Variants in TAF4B observed in about 807,000 individuals in gnomAD.
TAF4B encodes TATA-box binding protein associated factor 4b.
TAF4B carries 38 observed loss-of-function variants against 86.4 expected under a neutral mutation model. That is an observed-to-expected ratio of 0.44 (90% CI 0.34 to 0.58). TAF4B has a LOEUF of 0.58. TAF4B is among the 20% of genes least tolerant of loss of function. The pLI is 0.02. For missense variants in TAF4B, 988 were observed against 1,027.6 expected (o/e 0.96, Z 0.53); for synonymous variants, 388 against 391.2 (o/e 0.99, Z 0.10).
rs2055580173 is a variant in TAF4B at position 26,226,736 on chromosome 18, C to T, written c.-198C>T. ...CGGGGGCAGCCCAGGCTCGCGCGGA[C>T]GAGAGGAAGGTCCGGGACGCGCGTG... On this transcript the variant is annotated 5_prime_UTR_variant, in exon 1 of 15. It adds an upstream start codon to the 5' untranslated region. Coordinates refer to ENST00000269142, the MANE Select transcript of TAF4B (RefSeq NM_005640.3). The T allele has an allele frequency of 6.8e-6, 3 of 441,000 alleles. No homozygotes were observed. Among genetic ancestry groups the T allele is most frequent in the Non-Finnish European group, 1.2e-5 (3 of 257,246 alleles). 27.3% of individuals were successfully genotyped at this position (441,000 alleles called of 1,614,324 possible).
At chr18:26,387,277 C>T (rs960783559) in intron 14 of TAF4B, among the ~76,000 whole-genome samples, 1 of 152,100 alleles carries the variant, frequency 6.6e-6, no homozygotes, top group Non-Finnish European at 1.5e-5. Context: ...CCATGTTAGC[C>T]AGGCTGGTCT....
chr18:26,317,205 A>T (rs1197994015), intron 10 of TAF4B, among the ~76,000 whole-genome samples: 1 of 151,564 alleles, frequency 6.6e-6, no homozygotes, highest in African/African-American at 2.4e-5. Context: ...AATTTTTTGT[A>T]TTTTTAGTAG....
rs573221718 is a variant in TAF4B, at chr18:26,226,778, G to T, written c.-156G>T. On this transcript the variant is annotated 5_prime_UTR_variant, in exon 1 of 15. Coordinates refer to ENST00000269142, the MANE Select transcript of TAF4B (RefSeq NM_005640.3). ...ACGCGCGTGTCCTGCCGTGCAGCGG[G>T]CGCCCGTCACTGACTTCGCTGCTGC... 2.8e-4 allele frequency: 146 copies of T among 529,720 alleles called. No homozygotes were observed. The highest frequency in any genetic ancestry group is 4.0e-4 in the Non-Finnish European group (132 of 328,914). The allele number at this position is 529,720 out of a possible 1,614,324, so 32.8% of individuals were successfully genotyped here.
chr18:26,238,135 G>C (rs59238601), intron 1 of TAF4B, among the ~76,000 whole-genome samples: 1 of 152,126 alleles, frequency 6.6e-6, no homozygotes, highest in East Asian at 1.9e-4. Context: ...TTTCCTCTTA[G>C]CTCACAAAGA....
At chr18:26,228,517 C>T (rs929589391) in intron 1 of TAF4B, among the ~76,000 whole-genome samples, 3 of 151,766 alleles carry the variant, frequency 2.0e-5, no homozygotes, top group African/African-American at 7.3e-5. Flanking sequence ...AGTTGTTATT[C>T]TGCATATATG....
chr18:26,279,436 A>G (rs567338502), intron 5 of TAF4B, among the ~76,000 whole-genome samples: 18 of 151,840 alleles, frequency 1.2e-4, no homozygotes, highest in Admixed American at 7.2e-4. Flanking sequence ...GACAGATTCA[A>G]TGTTACTCCT....
chr18:26,321,199 A>G lies in TAF4B; in HGVS notation c.2132A>G (p.Lys711Arg), dbSNP rs2144676429. Reference sequence around the variant, plus strand: ...GCTCAGCATCGAATGACTACTTACAAGGTAAAGGAAATCATTAAAGAAGTA... The same window carrying G: ...GCTCAGCATCGAATGACTACTTACAGGGTAAAGGAAATCATTAAAGAAGTA... ...AIAQHRMTTY[K>R]ASENYILCSD... The change falls in exon 11 of 15, where the codon AAG (lysine) becomes AGG (arginine). Residue 711 changes from lysine to arginine, a missense_variant and splice_region_variant. Coordinates refer to ENST00000269142, the MANE Select transcript of TAF4B (RefSeq NM_005640.3). 4 of 1,613,602 alleles carry G rather than the reference A, an allele frequency of 2.5e-6. No individual in the cohort carries two copies. Among genetic ancestry groups the G allele is most frequent in the South Asian group, 2.2e-5 (2 of 91,062 alleles).
chr18:26,379,672 G>A (rs180931984), intron 14 of TAF4B, among the ~76,000 whole-genome samples: 1 of 152,054 alleles, frequency 6.6e-6, no homozygotes, highest in Non-Finnish European at 1.5e-5. Flanking sequence ...GCTATTCTGT[G>A]TCCTTTGTAT....
chr18:26,299,197 T>C (rs985878495), intron 9 of TAF4B, among the ~76,000 whole-genome samples: 1 of 152,080 alleles, frequency 6.6e-6, no homozygotes, highest in Admixed American at 6.6e-5. Context: ...GTGCTCTACA[T>C]GTTCAGAGAA....
chr18:26,298,939 G>A (rs1283266178), intron 9 of TAF4B, among the ~76,000 whole-genome samples: 10 of 127,408 alleles, frequency 7.8e-5, no homozygotes, highest in African/African-American at 2.4e-4. Flanking sequence ...TCAGCTCACC[G>A]CAACCTCTGC....
chr18:26,293,543 A>C lies in TAF4B; in HGVS notation c.1832+12A>C. The C allele has an allele frequency of 6.5e-7, 1 of 1,531,120 alleles. No homozygotes were observed. Among genetic ancestry groups the C allele is most frequent in the Non-Finnish European group, 8.8e-7 (1 of 1,140,544 alleles). The allele number at this position is 1,531,120 out of a possible 1,614,324, so 94.8% of individuals were successfully genotyped here. ...ACATCATGCTTCCGGTAAGAAAATA[A>C]ATAGTTAAATTTGGTTTAAGGAAGT... On this transcript the variant is annotated intron_variant, in intron 9 of 14. Transcript: ENST00000269142.
intron 1 of TAF4B, among the ~76,000 whole-genome samples, chr18:26,253,881 T>G (rs1369492488): frequency 2.6e-5 from 4 of 152,014 alleles, no homozygotes. Context: ...ATAATCCTTA[T>G]TTGTGTAAAA....
At chr18:26,372,445 G>C (rs1238215426) in intron 14 of TAF4B, among the ~76,000 whole-genome samples, 1 of 152,180 alleles carries the variant, frequency 6.6e-6, no homozygotes, top group Admixed American at 6.5e-5. Context: ...TTGGTATGCA[G>C]ATATTGATCT....
At chr18:26,238,230 A>G (rs1434282061) in intron 1 of TAF4B, among the ~76,000 whole-genome samples, 1 of 152,154 alleles carries the variant, frequency 6.6e-6, no homozygotes, top group Non-Finnish European at 1.5e-5. Flanking sequence ...TCCTGTTGGT[A>G]TTGGGACCTT....
chr18:26,278,360 A>G (rs1013224329), intron 5 of TAF4B, among the ~76,000 whole-genome samples: 1 of 152,052 alleles, frequency 6.6e-6, no homozygotes, highest in African/African-American at 2.4e-5. Context: ...GCTGGAGTGC[A>G]GTGACATGAT....
At chr18:26,342,156 T>C (rs1286645338) in intron 13 of TAF4B, among the ~76,000 whole-genome samples, 1 of 152,166 alleles carries the variant, frequency 6.6e-6, no homozygotes, top group Non-Finnish European at 1.5e-5. Context: ...AAGCAGGACA[T>C]TATTCTTAGT....
intron 1 of TAF4B, among the ~76,000 whole-genome samples, chr18:26,247,389 A>C (rs1018787539): frequency 6.6e-6 from 1 of 152,208 alleles, no homozygotes; most frequent in Non-Finnish European, 1.5e-5. Flanking sequence ...CTATTTAGCT[A>C]ACATGTATGA....
At chr18:26,318,356 C>CTT (rs367762394) in intron 10 of TAF4B, among the ~76,000 whole-genome samples, 22 of 144,498 alleles carry the variant, frequency 1.5e-4, no homozygotes, top group East Asian at 6.0e-4. Flanking sequence ...ATTAGCTAAG[C>CTT]TTTTTTTTTT....
intron 1 of TAF4B, chr18:26,255,888 A>G (rs1056830245): frequency 9.8e-5 from 123 of 1,256,600 alleles, no homozygotes; most frequent in Non-Finnish European, 1.2e-4. Context: ...AAAGGAAACA[A>G]CTGGTGTTCT....
Sources: allele counts gnomAD v4.1 joint callset (sites outside exome capture counted in the v4.1 genomes callset), GRCh38; gene constraint gnomAD v4.1.1; transcripts MANE v1.5; gene names NCBI Gene and HGNC (gene_info 2026-07-23, HGNC 2026-07-21).